Variants in STAG1 observed in about 807,000 individuals in gnomAD.
STAG1 encodes the protein cohesin subunit SA-1.
In STAG1, 26 loss-of-function variants were observed where a neutral mutation model predicts 170.9. That is an observed-to-expected ratio of 0.15 (90% confidence interval 0.11 to 0.21). The LOEUF (loss-of-function observed/expected upper bound fraction) is 0.21, where lower values mean the gene tolerates loss of function less well. STAG1 is among the 10% of genes least tolerant of loss of function. The probability of loss-of-function intolerance (pLI) is 1.00; values close to 1 mark genes in which losing one functional copy is unlikely to be tolerated. For missense variants in STAG1, 964 were observed against 1,509.5 expected (o/e 0.64, Z 5.99); for synonymous variants, 514 against 497.7 (o/e 1.03, Z -0.44).
intron 22 of STAG1, among the ~76,000 whole-genome samples, chr3:136,380,604 G>A (rs75015643): frequency 1.6e-4 from 25 of 152,182 alleles, no homozygotes; most frequent in Non-Finnish European, 3.4e-4. Flanking sequence ...ATAGATGAAA[G>A]ATAAAGCAGT....
chr3:136,621,128 G>C (rs34804893), intron 3 of STAG1, among the ~76,000 whole-genome samples: 1 of 150,812 alleles, frequency 6.6e-6, no homozygotes, highest in Non-Finnish European at 1.5e-5. Context: ...GTAAGGTTCC[G>C]TCTCAAAAAA....
chr3:136,564,985 G>T (rs1414269893), intron 5 of STAG1, among the ~76,000 whole-genome samples: 11 of 83,034 alleles, frequency 1.3e-4, no homozygotes, highest in South Asian at 4.7e-4. Flanking sequence ...AAGGAAGGAA[G>T]GAAGGAAGGA....
At chr3:136,468,662 T>A (rs1295177388) in intron 12 of STAG1, among the ~76,000 whole-genome samples, 1 of 146,394 alleles carries the variant, frequency 6.8e-6, no homozygotes, top group East Asian at 2.0e-4. Context: ...CCCTGTTATG[T>A]CCCTGGCAGA....
chr3:136,623,888 T>A (rs1939972787), intron 2 of STAG1, among the ~76,000 whole-genome samples: 1 of 151,924 alleles, frequency 6.6e-6, no homozygotes, highest in Non-Finnish European at 1.5e-5. Flanking sequence ...CCGCGGAGGT[T>A]GCAGTGAGCC....
At chr3:136,435,774 A>G (rs1559800039) in intron 15 of STAG1, among the ~76,000 whole-genome samples, 1 of 151,878 alleles carries the variant, frequency 6.6e-6, no homozygotes, top group Non-Finnish European at 1.5e-5. Flanking sequence ...GGTTCCAGTG[A>G]TTCTCCTGCC....
intron 15 of STAG1, among the ~76,000 whole-genome samples, chr3:136,441,091 G>A (rs540618427): frequency 8.7e-5 from 13 of 149,414 alleles, no homozygotes; most frequent in East Asian, 5.9e-4. Flanking sequence ...GGAGTGAATC[G>A]GCGAGATCTC....
intron 6 of STAG1, among the ~76,000 whole-genome samples, chr3:136,527,080 C>T (rs1935072813): frequency 6.6e-6 from 1 of 152,138 alleles, no homozygotes; most frequent in Non-Finnish European, 1.5e-5. Flanking sequence ...CTTGGAGTTG[C>T]TCTTCTCAAG....
At chr3:136,504,754 C>T (rs1459434677) in intron 7 of STAG1, among the ~76,000 whole-genome samples, 1 of 152,160 alleles carries the variant, frequency 6.6e-6, no homozygotes, top group African/African-American at 2.4e-5. Context: ...ACCCTGGTTG[C>T]AATTCACCAG....
At chr3:136,708,431 C>T (rs945559992) in intron 1 of STAG1, among the ~76,000 whole-genome samples, 2 of 151,692 alleles carry the variant, frequency 1.3e-5, no homozygotes, top group Non-Finnish European at 2.9e-5. Flanking sequence ...AGATAGAAAG[C>T]ATATTAGTGA....
intron 22 of STAG1, among the ~76,000 whole-genome samples, chr3:136,390,140 A>G (rs547364985): frequency 9.7e-4 from 148 of 151,968 alleles, no homozygotes; most frequent in African/African-American, 3.2e-3. Flanking sequence ...CCCTTATGCT[A>G]TTTTTAAAGA....
intron 2 of STAG1, among the ~76,000 whole-genome samples, chr3:136,629,170 A>G (rs1182899540): frequency 1.3e-5 from 2 of 152,214 alleles, no homozygotes; most frequent in Non-Finnish European, 2.9e-5. Flanking sequence ...TTCAATTTAA[A>G]TATAACCTCT....
intron 16 of STAG1, among the ~76,000 whole-genome samples, chr3:136,427,336 C>A (rs188206466): frequency 6.3e-4 from 96 of 152,228 alleles, no homozygotes; most frequent in African/African-American, 2.3e-3. Flanking sequence ...TTGCAGTGAG[C>A]TCAAGTATTG....
At chr3:136,705,085 A>T (rs540579922) in intron 1 of STAG1, among the ~76,000 whole-genome samples, 7 of 152,080 alleles carry the variant, frequency 4.6e-5, no homozygotes, top group Non-Finnish European at 8.8e-5. Context: ...TAAGAAAATT[A>T]AAAAACCTGG....
At chr3:136,345,891 C>T (rs560363367) in intron 29 of STAG1, among the ~76,000 whole-genome samples, 12 of 152,324 alleles carry the variant, frequency 7.9e-5, no homozygotes, top group Admixed American at 7.8e-4. Flanking sequence ...TGATCTGAAG[C>T]TCACTACTCA....
At chr3:136,522,029 T>C (rs751222358) in intron 6 of STAG1, among the ~76,000 whole-genome samples, 1 of 152,244 alleles carries the variant, frequency 6.6e-6, no homozygotes, top group Non-Finnish European at 1.5e-5. Context: ...GGTTGTGTCA[T>C]CTTGTTTTAA....
intron 1 of STAG1, among the ~76,000 whole-genome samples, chr3:136,687,334 A>C (rs1942562616): frequency 2.6e-5 from 4 of 152,366 alleles, no homozygotes; most frequent in Admixed American, 6.5e-5. Context: ...TATTGTTGGA[A>C]GACATAAAAA....
chr3:136,366,620 T>C (rs74964220), intron 25 of STAG1, among the ~76,000 whole-genome samples: 2,455 of 152,172 alleles, frequency 0.016, 77 homozygotes, highest in African/African-American at 0.056. Context: ...ACAGGAAAAC[T>C]GAGTATTCCC....
chr3:136,465,437 T>G (rs1433376673), intron 12 of STAG1, among the ~76,000 whole-genome samples: 1 of 151,238 alleles, frequency 6.6e-6, no homozygotes, highest in Non-Finnish European at 1.5e-5. Context: ...GGCAGACTGT[T>G]CTCTAACTCC....
chr3:136,543,778 C>A (rs1360752695), intron 5 of STAG1, among the ~76,000 whole-genome samples: 13 of 152,168 alleles, frequency 8.5e-5, no homozygotes, highest in Admixed American at 7.2e-4. Flanking sequence ...ACATGGGAAA[C>A]ATTCAAACAA....
Sources: gnomAD v4.1 joint callset for allele counts (sites outside exome capture counted in the v4.1 genomes callset) on GRCh38, gnomAD v4.1.1 for gene constraint, MANE v1.5 for transcripts, NCBI Gene and HGNC (gene_info 2026-07-23, HGNC 2026-07-21) for gene names.